Variants in COL6A5 observed in about 807,000 individuals in gnomAD.
COL6A5 encodes collagen alpha-5(VI) chain.
A neutral mutation model predicts 65.6 loss-of-function variants in COL6A5; 48 were observed. The observed-to-expected ratio is 0.73, with a 90% CI of 0.58 to 0.93. COL6A5 has a LOEUF of 0.93. COL6A5 is among the 40% of genes least tolerant of loss of function. The pLI, the probability that COL6A5 is intolerant of heterozygous loss-of-function variation, is 0.00. For missense variants in COL6A5, 914 were observed against 928.3 expected (o/e 0.98, Z 0.20); for synonymous variants, 291 against 322.8 (o/e 0.90, Z 1.05).
At chr3:130,468,822 A>G (rs763790523) in exon 6 of COL6A5, 13 of 1,610,192 alleles carry the variant, frequency 8.1e-6, no homozygotes, top group African/African-American at 1.3e-5. Flanking sequence ...AGAAAAGAAG[A>G]ACCAGATCAT....
chr3:130,389,701 A>C (rs1936326881), intron 6 of COL6A5, among the ~76,000 whole-genome samples: 1 of 151,910 alleles, frequency 6.6e-6, no homozygotes, highest in Non-Finnish European at 1.5e-5. Context: ...GTAATTTGTC[A>C]CTTTTCTGAT....
intron 22 of COL6A5, among the ~76,000 whole-genome samples, chr3:130,414,934 G>A (rs1937293361): frequency 6.6e-6 from 1 of 152,040 alleles, no homozygotes; most frequent in East Asian, 1.9e-4. Context: ...CTCTAGATTG[G>A]GTAGGGATGG....
exon 8 of COL6A5, chr3:130,395,411 G>A: frequency 6.5e-7 from 1 of 1,545,842 alleles, no homozygotes; most frequent in Non-Finnish European, 8.7e-7. Context: ...ATTAAAGAAT[G>A]TGGATGTGAA....
At chr3:130,397,239 G>A (rs536911928) in intron 8 of COL6A5, among the ~76,000 whole-genome samples, 26 of 152,212 alleles carry the variant, frequency 1.7e-4, no homozygotes, top group African/African-American at 3.4e-4. Flanking sequence ...ACATGCATGC[G>A]CACACACATA....
chr3:130,429,363 A>G (rs1937698699), upstream of COL6A5, among the ~76,000 whole-genome samples: 1 of 152,192 alleles, frequency 6.6e-6, no homozygotes, highest in African/African-American at 2.4e-5. Flanking sequence ...TGGCTCACAA[A>G]TGGAAAAGGT....
intron 7 of COL6A5, among the ~76,000 whole-genome samples, chr3:130,392,029 G>C (rs1350666917): frequency 6.6e-6 from 1 of 152,170 alleles, no homozygotes; most frequent in African/African-American, 2.4e-5. Context: ...CTGGCAGAAA[G>C]GAATTCTTCT....
exon 6 of COL6A5, chr3:130,468,980 A>G (rs770384236): frequency 5.0e-6 from 8 of 1,612,570 alleles, no homozygotes; most frequent in Admixed American, 3.3e-5. Flanking sequence ...CATTGCCCCC[A>G]CTCCACTGAC....
chr3:130,459,925 A>G (rs1046146757), intron 5 of COL6A5, among the ~76,000 whole-genome samples: 6 of 152,016 alleles, frequency 3.9e-5, no homozygotes, highest in African/African-American at 1.2e-4. Flanking sequence ...AACATTTTCT[A>G]TATTGCCATA....
At chr3:130,424,039 G>A in intron 29 of COL6A5, 139 bp downstream of exon 29, 3 of 553,072 alleles carry the variant, frequency 5.4e-6, no homozygotes, top group Non-Finnish European at 9.5e-6. Flanking sequence ...CAGTCACTGG[G>A]TCTTTGAGTT....
intron 8 of COL6A5, 36 bp downstream of exon 8, chr3:130,395,501 C>G (rs1186369300): frequency 6.9e-7 from 1 of 1,446,296 alleles, no homozygotes; most frequent in African/African-American, 1.4e-5. Context: ...TCCATGGAAA[C>G]TTCTCATTTC....
intron 5 of COL6A5, 104 bp from the exon 6 acceptor site, chr3:130,388,476 A>G: frequency 1.0e-6 from 1 of 975,190 alleles, no homozygotes; most frequent in East Asian, 2.6e-5. Context: ...GCCTGAGTTA[A>G]TTTTCAATGT....
chr3:130,466,083 C>G (rs1197481205), intron 5 of COL6A5, among the ~76,000 whole-genome samples: 3 of 151,994 alleles, frequency 2.0e-5, no homozygotes, highest in Non-Finnish European at 4.4e-5. Flanking sequence ...TAAAAATCAG[C>G]AGGAATATAG....
At chr3:130,468,062 G>A (rs914308786) in intron 5 of COL6A5, among the ~76,000 whole-genome samples, 2 of 152,014 alleles carry the variant, frequency 1.3e-5, no homozygotes, top group Non-Finnish European at 2.9e-5. Flanking sequence ...GCTTGGCTCG[G>A]AATGTAAATC....
At chr3:130,471,078 G>T (rs866832383) in intron 7 of COL6A5, 111 bp downstream of exon 39, 6 of 632,914 alleles carry the variant, frequency 9.5e-6, no homozygotes, top group African/African-American at 7.0e-5. Flanking sequence ...GTGTTTTTGT[G>T]TGTGTGTGTG....
At chr3:130,448,457 A>G (rs6765939) in intron 4 of COL6A5, among the ~76,000 whole-genome samples, 127,362 of 152,086 alleles carry the variant, frequency 0.84, 54,709 homozygotes, top group Non-Finnish European at 0.93. Flanking sequence ...AAAGTTTTTG[A>G]AAGTCATTTA....
chr3:130,413,743 G>A (rs764725794), intron 21 of COL6A5, among the ~76,000 whole-genome samples, 163 bp downstream of exon 21: 30 of 151,746 alleles, frequency 2.0e-4, no homozygotes, highest in Admixed American at 1.9e-3. Flanking sequence ...TGCAGCTCCC[G>A]GGAACAGAAC....
At chr3:130,362,312 ATATATATATATATATTTTTT>A (rs1167262377) in intron 1 of COL6A5, among the ~76,000 whole-genome samples, 934 of 13,830 alleles carry the variant, frequency 0.068, 31 homozygotes, top group African/African-American at 0.19. Context: ...ATATATATAT[ATATATATATATATATTTTTT>A]TTTTTTTTTT....
intron 4 of COL6A5, among the ~76,000 whole-genome samples, chr3:130,383,358 C>T (rs1348359310): frequency 6.6e-6 from 1 of 151,958 alleles, no homozygotes; most frequent in African/African-American, 2.4e-5. Context: ...ATAGCACAGC[C>T]CTAGGCAGGG....
At chr3:130,441,259 G>A (rs1417647662) in intron 3 of COL6A5, among the ~76,000 whole-genome samples, 1 of 152,094 alleles carries the variant, frequency 6.6e-6, no homozygotes, top group African/African-American at 2.4e-5. Flanking sequence ...ACATCACCCA[G>A]GAATCTTGTT....
Sources: gnomAD v4.1 joint callset for allele counts (sites outside exome capture counted in the v4.1 genomes callset) on GRCh38, gnomAD v4.1.1 for gene constraint, MANE v1.5 for transcripts, NCBI Gene and HGNC (gene_info 2026-07-23, HGNC 2026-07-21) for gene names.